The following SLC35F4 variants were observed in gnomAD, a reference collection of about 807,000 sequenced individuals.
The protein encoded by SLC35F4 is solute carrier family 35 member F4.
Under a neutral mutation model 44.2 loss-of-function variants are expected in SLC35F4, and 24 were observed. The ratio of observed to expected loss-of-function variants is 0.54; its 90% CI spans 0.39 to 0.76. The LOEUF is 0.76. Ranked by LOEUF, SLC35F4 falls within the 30% of genes least tolerant of loss-of-function variation. The probability of loss-of-function intolerance (pLI) is 0.00; values close to 1 mark genes in which losing one functional copy is unlikely to be tolerated. For synonymous variants in SLC35F4, 238 were observed against 223.6 expected (o/e 1.06, Z -0.57); for missense variants, 562 against 586.1 (o/e 0.96, Z 0.42).
intron 1 of SLC35F4, among the ~76,000 whole-genome samples, chr14:57,896,880 G>C (rs763875074): frequency 1.3e-5 from 2 of 151,118 alleles, no homozygotes; most frequent in African/African-American, 2.4e-5. Context: ...CATGGGATTT[G>C]GGAAATTCTT....
At chr14:57,621,011 T>C (rs1566694255) in intron 1 of SLC35F4, among the ~76,000 whole-genome samples, 1 of 151,434 alleles carries the variant, frequency 6.6e-6, no homozygotes, top group Non-Finnish European at 1.5e-5. Context: ...CAAGCATTCT[T>C]ATACACCAAT....
At chr14:57,724,864 T>C (rs958643443) in intron 1 of SLC35F4, among the ~76,000 whole-genome samples, 4 of 152,206 alleles carry the variant, frequency 2.6e-5, no homozygotes, top group Admixed American at 6.5e-5. Flanking sequence ...CTTTGAGCAG[T>C]GCACCTGGTT....
intron 1 of SLC35F4, among the ~76,000 whole-genome samples, chr14:57,887,776 G>T (rs1281621485): frequency 6.6e-6 from 1 of 152,146 alleles, no homozygotes; most frequent in African/African-American, 2.4e-5. Flanking sequence ...CCTCTTCTGG[G>T]CATTATTCTC....
chr14:57,895,941 A>G (rs1254850331), intron 1 of SLC35F4, among the ~76,000 whole-genome samples: 8 of 152,070 alleles, frequency 5.3e-5, no homozygotes, highest in Admixed American at 4.6e-4. Flanking sequence ...TAATTTATAC[A>G]ATTTTCTTCC....
intron 1 of SLC35F4, among the ~76,000 whole-genome samples, chr14:57,742,061 C>G (rs1425307885): frequency 6.6e-6 from 1 of 152,146 alleles, no homozygotes; most frequent in East Asian, 1.9e-4. Flanking sequence ...CCTAAAAGAG[C>G]TCCTGAAGGA....
intron 1 of SLC35F4, among the ~76,000 whole-genome samples, chr14:57,760,140 C>T (rs987503687): frequency 7.9e-5 from 12 of 151,924 alleles, no homozygotes; most frequent in Admixed American, 5.9e-4. Flanking sequence ...CAGTTGTTAT[C>T]GTCTAGGAGT....
At chr14:57,949,263 C>T (rs1029740532) in intron 1 of SLC35F4, among the ~76,000 whole-genome samples, 4 of 152,074 alleles carry the variant, frequency 2.6e-5, no homozygotes, top group African/African-American at 9.7e-5. Context: ...TGGACTAATC[C>T]TTTTGTCTTT....
chr14:57,638,741 A>G (rs1594666559), intron 1 of SLC35F4, among the ~76,000 whole-genome samples: 2 of 152,236 alleles, frequency 1.3e-5, no homozygotes, highest in South Asian at 4.1e-4. Context: ...TGGCGGGAAC[A>G]GATGTTACTC....
Position 57,782,379 on chromosome 14 carries a change from C to CA in SLC35F4, c.103+83343dup, listed in dbSNP as rs76733800. Among the ~76,000 whole-genome samples the CA allele has an allele frequency of 8.8e-3, 1,223 of 138,842 alleles. 6 individuals carry two copies. The highest frequency in any genetic ancestry group is 0.011 in the Non-Finnish European group (715 of 63,216). The allele number at this position is 138,842 out of a possible 152,430, so 91.1% of individuals were successfully genotyped here. On this transcript the variant is annotated intron_variant, in intron 1 of 7. Coordinates refer to ENST00000556826, the MANE Select transcript of SLC35F4 (RefSeq NM_001306087.2). Reference sequence around the variant, plus strand: ...GAAAAACTGAGTAGCCTAGAAATATCAAAAAAAAAAGAAAAAGGCATGTCA... The same window carrying CA: ...GAAAAACTGAGTAGCCTAGAAATATCAAAAAAAAAAAGAAAAAGGCATGTCA...
chr14:57,588,329 C>A (rs1409862335), intron 3 of SLC35F4, among the ~76,000 whole-genome samples: 1 of 151,746 alleles, frequency 6.6e-6, no homozygotes. Flanking sequence ...GAGAACTCTT[C>A]TTCCATCTGC....
chr14:57,817,783 C>G (rs903089156), intron 1 of SLC35F4, among the ~76,000 whole-genome samples: 1 of 152,076 alleles, frequency 6.6e-6, no homozygotes, highest in African/African-American at 2.4e-5. Context: ...ATGACAATGG[C>G]CTACAGTGAA....
At chr14:57,876,401 T>C (rs913242642) in intron 1 of SLC35F4, among the ~76,000 whole-genome samples, 4 of 152,220 alleles carry the variant, frequency 2.6e-5, no homozygotes, top group African/African-American at 9.6e-5. Flanking sequence ...TTCATATTTC[T>C]TGTGTATAAT....
intron 1 of SLC35F4, chr14:57,630,364 T>C (rs1478290333): frequency 1.6e-6 from 1 of 614,900 alleles, no homozygotes; most frequent in African/African-American, 1.8e-5. Flanking sequence ...AGACCACACA[T>C]AGCAGAAGCC....
chr14:57,647,254 T>A (rs1487985253), intron 1 of SLC35F4, among the ~76,000 whole-genome samples: 1 of 151,656 alleles, frequency 6.6e-6, no homozygotes, highest in Non-Finnish European at 1.5e-5. Context: ...TGTGTGGGAG[T>A]CTAAGTCTCT....
chr14:57,981,037 T>A (rs1881363767), intron 1 of SLC35F4, among the ~76,000 whole-genome samples: 1 of 152,148 alleles, frequency 6.6e-6, no homozygotes, highest in Admixed American at 6.5e-5. Context: ...AGAAGAAGGA[T>A]TCGCCTCTAT....
chr14:57,657,773 A>G (rs934362243), intron 1 of SLC35F4, among the ~76,000 whole-genome samples: 24 of 152,310 alleles, frequency 1.6e-4, no homozygotes, highest in Non-Finnish European at 3.4e-4. Flanking sequence ...GTTTCTAAAC[A>G]TTTGAGGTTC....
At chr14:57,586,569 T>C (rs530978017) in intron 3 of SLC35F4, among the ~76,000 whole-genome samples, 3 of 151,094 alleles carry the variant, frequency 2.0e-5, no homozygotes, top group Middle Eastern at 3.4e-3. Context: ...ATACAAAAAA[T>C]TAGCCGGGCG....
At position 57,567,953 on chromosome 14, in the gene SLC35F4, G is replaced by A. The variant is rs527857167; in HGVS notation, c.1127-1389C>T. On this transcript the variant is annotated intron_variant, in intron 6 of 7. Transcript: ENST00000556826. Reference sequence around the variant, plus strand: ...CAGGAGATGTGGGGTAGTTCAGGGTGCAGATTGATGTGTATCTCTCAGACC... The same window carrying A: ...CAGGAGATGTGGGGTAGTTCAGGGTACAGATTGATGTGTATCTCTCAGACC... Among the ~76,000 whole-genome samples the A allele has an allele frequency of 1.1e-4, 17 of 152,346 alleles. No homozygotes were observed. The South Asian group carries it at 1.5e-3, about 13-fold the overall frequency.
intron 1 of SLC35F4, among the ~76,000 whole-genome samples, chr14:57,666,103 AC>A (rs1475486857): frequency 6.6e-6 from 1 of 152,184 alleles, no homozygotes; most frequent in Non-Finnish European, 1.5e-5. Context: ...CCAGCAGCGT[AC>A]CCCTGAACTG....
Sources: allele counts gnomAD v4.1 joint callset (sites outside exome capture counted in the v4.1 genomes callset), GRCh38; gene constraint gnomAD v4.1.1; transcripts MANE v1.5; gene names NCBI Gene and HGNC (gene_info 2026-07-23, HGNC 2026-07-21).